The following FYN variants were observed in gnomAD, a reference collection of about 807,000 sequenced individuals.
The protein encoded by FYN is tyrosine-protein kinase Fyn.
FYN carries 10 observed loss-of-function variants against 70.2 expected under a neutral mutation model. That is an observed-to-expected ratio of 0.14 (90% CI 0.09 to 0.24). The LOEUF (loss-of-function observed/expected upper bound fraction) is 0.24. Ranked by LOEUF, FYN falls within the 10% of genes least tolerant of loss-of-function variation. The pLI, the probability that FYN is intolerant of heterozygous loss-of-function variation, is 1.00. For synonymous variants in FYN, 236 were observed against 248.6 expected (o/e 0.95, Z 0.48); for missense variants, 319 against 673.1 (o/e 0.47, Z 5.82).
chr6:111,826,322 TC>T, intron 2 of FYN, among the ~76,000 whole-genome samples: 1 of 152,178 alleles, frequency 6.6e-6, no homozygotes, highest in Non-Finnish European at 1.5e-5. Flanking sequence ...CTTTTACTGT[TC>T]CTTAAGAAGT....
chr6:111,670,446 T>C (rs1583285391), intron 13 of FYN, among the ~76,000 whole-genome samples: 2 of 152,224 alleles, frequency 1.3e-5, no homozygotes, highest in Admixed American at 1.3e-4. Flanking sequence ...AAACATTCAA[T>C]ATATTTTGCT....
At chr6:111,870,943 A>T (rs1015082660) in intron 1 of FYN, among the ~76,000 whole-genome samples, 9 of 152,216 alleles carry the variant, frequency 5.9e-5, no homozygotes, top group African/African-American at 1.7e-4. Flanking sequence ...TACACTCATT[A>T]ACCCTATTGC....
intron 2 of FYN, among the ~76,000 whole-genome samples, chr6:111,840,761 T>G (rs1773334509): frequency 6.6e-6 from 1 of 152,230 alleles, no homozygotes; most frequent in African/African-American, 2.4e-5. Context: ...TTAGGGGCAC[T>G]GACAAAAGCA....
intron 13 of FYN, among the ~76,000 whole-genome samples, chr6:111,663,589 A>G (rs1797865707): frequency 6.6e-6 from 1 of 152,272 alleles, no homozygotes; most frequent in South Asian, 2.1e-4. Context: ...TTGAGGTAAT[A>G]AAAATTCACA....
intron 4 of FYN, among the ~76,000 whole-genome samples, chr6:111,716,683 G>C (rs185643354): frequency 6.6e-6 from 1 of 150,990 alleles, no homozygotes. Flanking sequence ...ACATCATATA[G>C]TAGATAGCCA....
intron 1 of FYN, among the ~76,000 whole-genome samples, chr6:111,861,190 A>G (rs1773952548): frequency 6.6e-6 from 1 of 152,236 alleles, no homozygotes; most frequent in Non-Finnish European, 1.5e-5. Flanking sequence ...ACCAATGAGC[A>G]TTTAATAAAT....
chr6:111,801,994 A>G (rs1772001001), intron 2 of FYN, among the ~76,000 whole-genome samples: 1 of 152,250 alleles, frequency 6.6e-6, no homozygotes, highest in African/African-American at 2.4e-5. Flanking sequence ...AAATGTTTGT[A>G]GCCTACTTGG....
At chr6:111,864,608 G>C (rs1774054729) in intron 1 of FYN, among the ~76,000 whole-genome samples, 1 of 152,144 alleles carries the variant, frequency 6.6e-6, no homozygotes, top group African/African-American at 2.4e-5. Context: ...CCAGAGGTAA[G>C]AGAGATGGGA....
chr6:111,720,197 A>G, intron 3 of FYN, 135 bp from the exon 4 acceptor site: 2 of 991,980 alleles, frequency 2.0e-6, no homozygotes, highest in South Asian at 3.9e-5. Context: ...GAGGAAAGGC[A>G]GTGGCTGGGG....
intron 2 of FYN, among the ~76,000 whole-genome samples, chr6:111,805,933 G>A (rs754033429): frequency 2.6e-5 from 4 of 152,176 alleles, no homozygotes; most frequent in African/African-American, 7.2e-5. Context: ...TTCCTCCAGC[G>A]TGTTTCTGCT....
chr6:111,862,640 G>A (rs1170664141), intron 1 of FYN, among the ~76,000 whole-genome samples: 1 of 152,158 alleles, frequency 6.6e-6, no homozygotes, highest in Non-Finnish European at 1.5e-5. Flanking sequence ...AGTATGTCTA[G>A]GAGAACTGGA....
intron 1 of FYN, among the ~76,000 whole-genome samples, chr6:111,857,573 C>T (rs1045644818): frequency 1.4e-4 from 21 of 152,202 alleles, no homozygotes; most frequent in African/African-American, 4.8e-4. Context: ...TAAAATATAG[C>T]CCAAATGCAG....
intron 13 of FYN, among the ~76,000 whole-genome samples, chr6:111,669,272 T>G (rs1798150378): frequency 6.6e-6 from 1 of 151,748 alleles, no homozygotes; most frequent in African/African-American, 2.4e-5. Flanking sequence ...CTGGCTCTAC[T>G]AAAAATGCAA....
At chr6:111,753,380 T>A (rs1802571726) in intron 3 of FYN, among the ~76,000 whole-genome samples, 1 of 152,054 alleles carries the variant, frequency 6.6e-6, no homozygotes, top group South Asian at 2.1e-4. Context: ...AATATTTAAG[T>A]GGGGCTGATT....
intron 12 of FYN, among the ~76,000 whole-genome samples, chr6:111,690,944 T>C (rs1799288403): frequency 1.3e-5 from 2 of 152,212 alleles, no homozygotes; most frequent in African/African-American, 4.8e-5. Flanking sequence ...TAAAGTCCTT[T>C]CATAGATAAG....
intron 3 of FYN, among the ~76,000 whole-genome samples, chr6:111,732,574 A>G (rs1172811175): frequency 5.9e-5 from 9 of 152,308 alleles, no homozygotes; most frequent in Admixed American, 5.2e-4. Flanking sequence ...ACCCTCCTCC[A>G]TCATAATAGC....
At chr6:111,764,223 A>AAAAAAG (rs1192761267) in intron 3 of FYN, among the ~76,000 whole-genome samples, 1 of 147,494 alleles carries the variant, frequency 6.8e-6, no homozygotes, top group Non-Finnish European at 1.5e-5. Context: ...AAGCAAAAAA[A>AAAAAAG]AAAAAAAAAG....
chr6:111,764,228 A>AAAAAAG (rs530424442), intron 3 of FYN, among the ~76,000 whole-genome samples: 3,380 of 134,532 alleles, frequency 0.025, 76 homozygotes, highest in East Asian at 0.077. Flanking sequence ...AAAAAAAAAA[A>AAAAAAG]AAAAGAAAAG....
At chr6:111,804,095 C>T (rs1327024881) in intron 2 of FYN, among the ~76,000 whole-genome samples, 2 of 152,182 alleles carry the variant, frequency 1.3e-5, no homozygotes, top group African/African-American at 4.8e-5. Flanking sequence ...CCACAGTTTA[C>T]ATCAAAAGCT....
Sources: allele counts gnomAD v4.1 joint callset (sites outside exome capture counted in the v4.1 genomes callset), GRCh38; gene constraint gnomAD v4.1.1; transcripts MANE v1.5; gene names NCBI Gene and HGNC (gene_info 2026-07-23, HGNC 2026-07-21).